Variants in BTBD9 observed in about 807,000 individuals in gnomAD.
BTBD9 encodes the protein BTB/POZ domain-containing protein 9.
BTBD9 carries 49 observed loss-of-function variants against 64.3 expected under a neutral mutation model. The ratio of observed to expected loss-of-function variants is 0.76; its 90% confidence interval spans 0.61 to 0.97. BTBD9 has a LOEUF of 0.97. Ranked by LOEUF, BTBD9 falls within the 50% of genes least tolerant of loss-of-function variation. BTBD9 has a pLI of 0.00. For missense variants in BTBD9, 598 were observed against 762.1 expected (o/e 0.78, Z 2.53); for synonymous variants, 260 against 274.7 (o/e 0.95, Z 0.53).
chr6:38,545,363 C>G (rs865895544), intron 6 of BTBD9, among the ~76,000 whole-genome samples: 1 of 152,288 alleles, frequency 6.6e-6, no homozygotes. Context: ...CCGGCCATGA[C>G]TGGACAGTTT....
At chr6:38,501,553 A>G (rs1772202212) in intron 6 of BTBD9, among the ~76,000 whole-genome samples, 1 of 152,158 alleles carries the variant, frequency 6.6e-6, no homozygotes, top group Admixed American at 6.5e-5. Flanking sequence ...AGTCCCTGCC[A>G]ATTTACATCA....
At chr6:38,415,030 T>C (rs978397184) in intron 6 of BTBD9, among the ~76,000 whole-genome samples, 1 of 152,182 alleles carries the variant, frequency 6.6e-6, no homozygotes, top group Admixed American at 6.5e-5. Flanking sequence ...ATAAAAGTTA[T>C]CATCTCAATG....
chr6:38,454,561 C>T (rs1769709795), intron 6 of BTBD9, among the ~76,000 whole-genome samples: 1 of 150,312 alleles, frequency 6.7e-6, no homozygotes, highest in Non-Finnish European at 1.5e-5. Context: ...ACTTAGGAGG[C>T]CGACACATGA....
chr6:38,519,220 G>C (rs1773179479), intron 6 of BTBD9, among the ~76,000 whole-genome samples: 1 of 152,176 alleles, frequency 6.6e-6, no homozygotes, highest in Non-Finnish European at 1.5e-5. Flanking sequence ...CATTTTCTTA[G>C]ATTTTTTAAA....
intron 6 of BTBD9, among the ~76,000 whole-genome samples, chr6:38,411,727 G>A (rs1767434806): frequency 6.6e-6 from 1 of 152,094 alleles, no homozygotes; most frequent in South Asian, 2.1e-4. Context: ...CTTGAGCTGA[G>A]GAGTTTGAGA....
At position 38,278,945 on chromosome 6, in the gene BTBD9, C is replaced by A. The variant is rs147544123; in HGVS notation, c.1454+9327G>T. On this transcript the variant is annotated intron_variant, in intron 8 of 10. Coordinates refer to ENST00000481247, the MANE Select transcript of BTBD9 (RefSeq NM_001099272.2). ...AAGTAAAAGCATACTCTGCATTTAT[C>A]TATGTAACCAATCCCCCTTGCACTG... is the stretch of plus-strand genomic sequence containing the variant. 4.6e-5 allele frequency among the ~76,000 whole-genome samples: 7 copies of A among 152,282 alleles called. No individual in the cohort carries two copies. The East Asian group carries it at 1.4e-3, about 29-fold the overall frequency.
intron 7 of BTBD9, among the ~76,000 whole-genome samples, chr6:38,313,149 T>C (rs1762902885): frequency 6.6e-6 from 1 of 152,206 alleles, no homozygotes; most frequent in African/African-American, 2.4e-5. Context: ...TTAATTTTAT[T>C]TGTAGCTATT....
chr6:38,377,853 T>C (rs377397737), intron 6 of BTBD9, among the ~76,000 whole-genome samples: 1 of 152,200 alleles, frequency 6.6e-6, no homozygotes, highest in East Asian at 1.9e-4. Context: ...ATATAATCAA[T>C]AGGGTGGTAT....
chr6:38,406,384 T>C (rs1283595770), intron 6 of BTBD9, among the ~76,000 whole-genome samples: 2 of 152,162 alleles, frequency 1.3e-5, no homozygotes, highest in Non-Finnish European at 2.9e-5. Flanking sequence ...TATCAGCAAG[T>C]TGAAGCAAGC....
At chr6:38,339,747 A>G (rs1764030564) in intron 7 of BTBD9, among the ~76,000 whole-genome samples, 1 of 152,206 alleles carries the variant, frequency 6.6e-6, no homozygotes, top group Non-Finnish European at 1.5e-5. Flanking sequence ...TTTTGGAACA[A>G]TGTAAGTATT....
At chr6:38,275,098 T>C (rs1305855507) in intron 8 of BTBD9, among the ~76,000 whole-genome samples, 1 of 152,126 alleles carries the variant, frequency 6.6e-6, no homozygotes, top group Admixed American at 6.5e-5. Flanking sequence ...CTTCAAACTA[T>C]ACTACAAGGC....
intron 6 of BTBD9, among the ~76,000 whole-genome samples, chr6:38,541,557 C>T (rs1176016286): frequency 1.2e-4 from 18 of 152,080 alleles, no homozygotes; most frequent in Admixed American, 8.5e-4. Flanking sequence ...GCTAATATGG[C>T]GAAGCCCCGT....
intron 8 of BTBD9, among the ~76,000 whole-genome samples, chr6:38,273,846 T>G (rs559683153): frequency 3.9e-4 from 60 of 152,300 alleles, no homozygotes; most frequent in African/African-American, 1.4e-3. Flanking sequence ...TCAGGAGAGA[T>G]GGAGGAGAGC....
intron 6 of BTBD9, among the ~76,000 whole-genome samples, chr6:38,498,774 C>G (rs527831904): frequency 6.6e-6 from 1 of 152,316 alleles, no homozygotes; most frequent in East Asian, 1.9e-4. Flanking sequence ...GTACCCTCTA[C>G]TTTGGTAACC....
chr6:38,423,866 A>G (rs1768019645), intron 6 of BTBD9, among the ~76,000 whole-genome samples: 1 of 150,332 alleles, frequency 6.7e-6, no homozygotes, highest in South Asian at 2.1e-4. Context: ...TAAGATGAAT[A>G]AGCGACTATA....
chr6:38,509,002 G>A (rs539545481), intron 6 of BTBD9, among the ~76,000 whole-genome samples: 14 of 152,224 alleles, frequency 9.2e-5, no homozygotes, highest in South Asian at 4.2e-4. Context: ...TAGAACCAGT[G>A]AGTCAGAATC....
chr6:38,524,307 AG>A (rs1176614546), intron 6 of BTBD9, among the ~76,000 whole-genome samples: 13 of 152,148 alleles, frequency 8.5e-5, no homozygotes, highest in African/African-American at 3.1e-4. Context: ...GAACAGTATC[AG>A]GAAAAAACTA....
intron 6 of BTBD9, among the ~76,000 whole-genome samples, chr6:38,568,763 G>A (rs942019090): frequency 1.3e-5 from 2 of 152,192 alleles, no homozygotes; most frequent in Non-Finnish European, 2.9e-5. Context: ...CTCAAGTCCT[G>A]CCTCCAAAGG....
intron 6 of BTBD9, among the ~76,000 whole-genome samples, chr6:38,473,607 A>G (rs1484714694): frequency 6.6e-6 from 1 of 152,180 alleles, no homozygotes; most frequent in Non-Finnish European, 1.5e-5. Context: ...GTACACTGGG[A>G]TGGTGTCTCT....
Sources: allele counts gnomAD v4.1 joint callset (sites outside exome capture counted in the v4.1 genomes callset), GRCh38; gene constraint gnomAD v4.1.1; transcripts MANE v1.5; gene names NCBI Gene and HGNC (gene_info 2026-07-23, HGNC 2026-07-21).